Variants in OR52E5 observed in about 807,000 individuals in gnomAD.
OR52E5 encodes olfactory receptor 52E5.
chr11:5,898,131 T>C (rs1172295513), intron 2 of OR52E5, among the ~76,000 whole-genome samples: 2 of 152,096 alleles, frequency 1.3e-5, no homozygotes, highest in Admixed American at 1.3e-4. Context: ...AATGCTAGGA[T>C]TACAGGCATA....
rs1050336571 is a variant in OR52E5 at position 5,901,140 on chromosome 11, A to G, written c.364A>G (p.Ile122Val). The G allele has an allele frequency of 2.0e-5, 8 of 401,398 alleles. No individual in the cohort carries two copies. Among genetic ancestry groups the G allele is most frequent in the African/African-American group, 4.1e-5 (2 of 48,706 alleles). The allele number at this position is 401,398 out of a possible 1,614,324, so 24.9% of individuals were successfully genotyped here. The part of the protein sequence containing the change: ...LESVVLTVTG[I>V]DRYIAICNPL... ...GTCTGTGGTACTGACAGTCACGGGC[A>G]TAGATCGCTATATTGCCATCTGCAA... The change falls in exon 3 of 3, where the codon ATA (isoleucine) becomes GTA (valine). Residue 122 changes from isoleucine to valine, a missense_variant. Coordinates refer to ENST00000610445, the MANE Select transcript of OR52E5 (RefSeq NM_001005166.5).
rs2134300106 is a variant in OR52E5 at position 5,902,380 on chromosome 11, T to C, written c.*620T>C. ...CTTACTAAACATAATTATAGTGTAA[T>C]TGTTATTTCTAATGTATGTAGATTT... is the stretch of plus-strand genomic sequence containing the variant. On this transcript the variant is annotated 3_prime_UTR_variant, in exon 3 of 3. Coordinates refer to ENST00000610445, the MANE Select transcript of OR52E5 (RefSeq NM_001005166.5). 1 of 152,310 alleles carries C rather than the reference T, an allele frequency of 6.6e-6. No individual in the cohort carries two copies. The highest frequency in any genetic ancestry group is 1.9e-4 in the East Asian group (1 of 5,202). The allele number at this position is 152,310 out of a possible 1,614,324, so 9.4% of individuals were successfully genotyped here.
Position 5,900,877 on chromosome 11 carries a change from T to C in OR52E5, c.101T>C (p.Phe34Ser). The C allele has an allele frequency of 2.5e-6, 1 of 401,304 alleles. No individual in the cohort carries two copies. The highest frequency in any genetic ancestry group is 3.6e-5 in the East Asian group (1 of 28,068). The allele number at this position is 401,304 out of a possible 1,614,324, so 24.9% of individuals were successfully genotyped here. The change falls in exon 3 of 3, where the codon TTT (phenylalanine) becomes TCT (serine). Residue 34 changes from phenylalanine (F) to serine (S), a missense_variant. Phe to Ser is a radical substitution (Grantham distance 155, BLOSUM62 -2). Transcript: ENST00000610445. ...DVHVWIGFPFFAVYLTALLGN... is the reference protein window; with the variant it reads ...DVHVWIGFPFSAVYLTALLGN... ...CATGTATGGATTGGCTTCCCCTTCT[T>C]TGCAGTGTATCTAACAGCCCTTCTA...
chr11:5,895,033 G>C (rs1313088909), intron 1 of OR52E5, among the ~76,000 whole-genome samples: 2 of 152,150 alleles, frequency 1.3e-5, no homozygotes, highest in Non-Finnish European at 2.9e-5. Flanking sequence ...TCAATGTAAA[G>C]AAAAGATTGC....
chr11:5,894,757 G>A (rs765107110), intron 1 of OR52E5, among the ~76,000 whole-genome samples: 1 of 152,132 alleles, frequency 6.6e-6, no homozygotes, highest in Non-Finnish European at 1.5e-5. Flanking sequence ...TGGCTCAGGG[G>A]TCGGTGCCCT....
intron 2 of OR52E5, 69 bp downstream of exon 2, chr11:5,895,782 G>A (rs1387183445): frequency 6.6e-6 from 1 of 152,268 alleles, no homozygotes; most frequent in East Asian, 1.9e-4. Flanking sequence ...ACAGAAATAG[G>A]CCAGGTGTGG....
At chr11:5,900,475 A>G (rs181619584) in intron 2 of OR52E5, among the ~76,000 whole-genome samples, 157 bp from the exon 3 acceptor site, 2 of 152,156 alleles carry the variant, frequency 1.3e-5, no homozygotes, top group Non-Finnish European at 2.9e-5. Flanking sequence ...ATTTAATGCC[A>G]TATGGAAGTT....
chr11:5,895,209 T>G (rs1383313497), intron 1 of OR52E5, among the ~76,000 whole-genome samples: 1 of 152,144 alleles, frequency 6.6e-6, no homozygotes, highest in Non-Finnish European at 1.5e-5. Flanking sequence ...TTACTTTAAG[T>G]GAACAATACA....
In OR52E5 at chr11:5,901,212, C is replaced by G. The variant is rs1381704455; in HGVS notation, c.436C>G (p.Leu146Val). The G allele has an allele frequency of 5.0e-6, 2 of 401,390 alleles. No homozygotes were observed. The highest frequency in any genetic ancestry group is 8.8e-6 in the Non-Finnish European group (2 of 226,346). The allele number at this position is 401,390 out of a possible 1,614,324, so 24.9% of individuals were successfully genotyped here. A position where few individuals can be genotyped will look rare whatever the true frequency, so the allele number is the denominator to read the frequency against. ...CCTTACCAACAAGGTAATAGCCATT[C>G]TGGGCATAGTCATCATTGTCAGGAC... ...MILTNKVIAI[L>V]GIVIIVRTLV... is the part of the protein sequence containing the mutation. Residue 146 changes from leucine to valine, a missense_variant, in exon 3 of 3, where the codon CTG becomes GTG. Physicochemically the swap from Leu to Val is conservative, Grantham distance 32. Transcript: ENST00000610445.
chr11:5,896,573 G>T (rs963139301), intron 2 of OR52E5, among the ~76,000 whole-genome samples: 8 of 152,098 alleles, frequency 5.3e-5, no homozygotes, highest in African/African-American at 1.9e-4. Context: ...CAAGTGGTGA[G>T]TACAATAAAA....
chr11:5,900,521 AG>A (rs1847234855), intron 2 of OR52E5, 110 bp from the exon 3 acceptor site: 1 of 323,924 alleles, frequency 3.1e-6, no homozygotes. Context: ...AGACATGGGA[AG>A]TGCAGGATTG....
intron 2 of OR52E5, among the ~76,000 whole-genome samples, chr11:5,898,503 C>G (rs1847205968): frequency 6.6e-6 from 1 of 152,100 alleles, no homozygotes; most frequent in African/African-American, 2.4e-5. Context: ...AAGTCTCAAT[C>G]ATAAATTATT....
At position 5,901,396 on chromosome 11, in the gene OR52E5, A is replaced by G. The variant is rs1244418264; in HGVS notation, c.620A>G (p.Tyr207Cys). 5.0e-6 allele frequency: 2 copies of G among 401,448 alleles called. No individual in the cohort carries two copies. The highest frequency in any genetic ancestry group is 4.1e-5 in the African/African-American group (2 of 48,702). 24.9% of individuals were successfully genotyped at this position (401,448 alleles called of 1,614,324 possible). The change falls in exon 3 of 3, where the codon TAC (tyrosine) becomes TGC (cysteine). Residue 207 changes from tyrosine to cysteine, a missense_variant. Tyr to Cys is a radical substitution (Grantham distance 194). Transcript: ENST00000610445. ...GGATTGATTGCCTTCTCAGTGGGATACATTGACATTTCTGTGATTGGATTT... is the reference window on the plus strand; with the variant it reads ...GGATTGATTGCCTTCTCAGTGGGATGCATTGACATTTCTGTGATTGGATTT... The part of the protein sequence containing the change: ...IYGLIAFSVG[Y>C]IDISVIGFSY...
intron 1 of OR52E5, among the ~76,000 whole-genome samples, chr11:5,894,878 C>T (rs902275788): frequency 1.3e-5 from 2 of 152,060 alleles, no homozygotes; most frequent in Non-Finnish European, 2.9e-5. Context: ...ACAGACAATA[C>T]ATAAATGAAT....
chr11:5,894,253 T>C (rs959134266), intron 1 of OR52E5, among the ~76,000 whole-genome samples: 1 of 152,132 alleles, frequency 6.6e-6, no homozygotes, highest in Non-Finnish European at 1.5e-5. Flanking sequence ...CTGGAGGGCT[T>C]TTTAACAGAT....
intron 2 of OR52E5, among the ~76,000 whole-genome samples, chr11:5,899,757 T>C (rs16937145): frequency 0.056 from 8,540 of 152,234 alleles, 276 homozygotes; most frequent in Middle Eastern, 0.11. Flanking sequence ...AGGCCTATTA[T>C]GTTGCAGATT....
chr11:5,901,399 T>A lies in OR52E5; in HGVS notation c.623T>A (p.Ile208Asn). Residue 208 changes from isoleucine (I) to asparagine (N), a missense_variant, in exon 3 of 3, where the codon ATT (isoleucine) becomes AAT (asparagine). Physicochemically the swap from Ile to Asn is moderately radical, Grantham distance 149. Coordinates refer to ENST00000610445, the MANE Select transcript of OR52E5 (RefSeq NM_001005166.5). ...TTGATTGCCTTCTCAGTGGGATACATTGACATTTCTGTGATTGGATTTTCC... is the reference window on the plus strand; with the variant it reads ...TTGATTGCCTTCTCAGTGGGATACAATGACATTTCTGTGATTGGATTTTCC... ...YGLIAFSVGY[I>N]DISVIGFSYV... 1.0e-5 allele frequency: 4 copies of A among 401,576 alleles called. No homozygotes were observed. The highest frequency in any genetic ancestry group is 1.8e-5 in the Non-Finnish European group (4 of 226,334). 24.9% of individuals were successfully genotyped at this position (401,576 alleles called of 1,614,324 possible). A position where few individuals can be genotyped will look rare whatever the true frequency, so the allele number is the denominator to read the frequency against.
In OR52E5 at chr11:5,900,888, C is replaced by G; in HGVS notation, c.112C>G (p.Leu38Val). 2.5e-6 allele frequency: 1 copy of G among 401,276 alleles called. No individual in the cohort carries two copies. The allele number at this position is 401,276 out of a possible 1,614,324, so 24.9% of individuals were successfully genotyped here. The change falls in exon 3 of 3, where the codon CTA becomes GTA. Residue 38 changes from leucine (L) to valine (V), a missense_variant. Physicochemically the swap from Leu to Val is conservative, Grantham distance 32 (BLOSUM62 1). Coordinates refer to ENST00000610445, the MANE Select transcript of OR52E5 (RefSeq NM_001005166.5). ...WIGFPFFAVY[L>V]TALLGNIIIL... ...TGGCTTCCCCTTCTTTGCAGTGTAT[C>G]TAACAGCCCTTCTAGGGAACATCAT...
At chr11:5,900,185 C>T (rs180881606) in intron 2 of OR52E5, among the ~76,000 whole-genome samples, 68 of 152,224 alleles carry the variant, frequency 4.5e-4, no homozygotes, top group Non-Finnish European at 7.6e-4. Flanking sequence ...TGGAATTATG[C>T]AATAGTTACC....
Sources: allele counts gnomAD v4.1 joint callset (sites outside exome capture counted in the v4.1 genomes callset), GRCh38; gene constraint gnomAD v4.1.1; transcripts MANE v1.5; gene names NCBI Gene and HGNC (gene_info 2026-07-23, HGNC 2026-07-21).